Variants in XYLB observed in about 807,000 individuals in gnomAD.
XYLB encodes the protein xylulokinase.
A neutral mutation model predicts 78.7 loss-of-function variants in XYLB; 62 were observed. That is an observed-to-expected ratio of 0.79 (90% CI 0.64 to 0.97). The LOEUF is 0.97. Ranked by LOEUF, XYLB falls within the 50% of genes least tolerant of loss-of-function variation. XYLB has a pLI of 0.00. For synonymous variants in XYLB, 245 were observed against 247.4 expected, an observed-to-expected ratio of 0.99 and a Z score of 0.09; for missense variants, 687 against 676.8, an observed-to-expected ratio of 1.02 and a Z score of -0.17.
At chr3:38,388,644 C>T (rs1179959882) in intron 15 of XYLB, among the ~76,000 whole-genome samples, 2 of 152,058 alleles carry the variant, frequency 1.3e-5, no homozygotes, top group African/African-American at 4.8e-5. Flanking sequence ...TGTATAGTAA[C>T]TTTTATCACT....
At chr3:38,438,171 G>A in the XYLB span, among the ~76,000 whole-genome samples, 1 of 152,208 alleles carries the variant, frequency 6.6e-6, no homozygotes, top group Non-Finnish European at 1.5e-5. Context: ...CAAGGCTACA[G>A]TGAGTTGATT....
At chr3:38,375,604 C>T (rs1706810779) in intron 12 of XYLB, among the ~76,000 whole-genome samples, 1 of 152,180 alleles carries the variant, frequency 6.6e-6, no homozygotes, top group Non-Finnish European at 1.5e-5. Context: ...CACATTGTTA[C>T]TGTGACCCGT....
rs58457623 is a variant in XYLB, at chr3:38,351,171, CAAAAAAAAAAAAAAAA to C, written c.140+2552_140+2567del. Among the ~76,000 whole-genome samples, 3 of 23,074 alleles carry C rather than the reference CAAAAAAAAAAAAAAAA, an allele frequency of 1.3e-4. No homozygotes were observed. In the Admixed American group the frequency reaches 1.9e-3, roughly 15 times the overall value. 15.1% of individuals were successfully genotyped at this position (23,074 alleles called of 152,430 possible). A position where few individuals can be genotyped will look rare whatever the true frequency, so the allele number is the denominator to read the frequency against. Reference sequence around the variant, plus strand: ...TGGACAACAGAGGGAGAGCCTGTCTCAAAAAAAAAAAAAAAAAAAAAAAAAAAAGGAAGTCTGGAAG... The same window carrying C: ...TGGACAACAGAGGGAGAGCCTGTCTCAAAAAAAAAAAAGGAAGTCTGGAAG... On this transcript the variant is annotated intron_variant, in intron 2 of 18. Coordinates refer to ENST00000207870, the MANE Select transcript of XYLB (RefSeq NM_005108.4).
chr3:38,411,384 G>T (rs1418758847), intron 18 of XYLB, among the ~76,000 whole-genome samples: 1 of 152,058 alleles, frequency 6.6e-6, no homozygotes, highest in East Asian at 1.9e-4. Context: ...CTGTTGTGGG[G>T]TGGGGGGAGA....
chr3:38,416,157 A>G (rs1213888792), downstream of XYLB, among the ~76,000 whole-genome samples: 1 of 152,176 alleles, frequency 6.6e-6, no homozygotes, highest in Non-Finnish European at 1.5e-5. Context: ...GTATCAAACT[A>G]TATATGCTTT....
rs1708667768 is a variant in XYLB at position 38,413,181 on chromosome 3, AAGATAGAT to A, written c.*171_*178del. 7 of 550,750 alleles carry A rather than the reference AAGATAGAT, an allele frequency of 1.3e-5. No individual in the cohort carries two copies. The South Asian group carries it at 2.2e-4, about 18-fold the overall frequency. The allele number at this position is 550,750 out of a possible 1,614,324, so 34.1% of individuals were successfully genotyped here. A position where few individuals can be genotyped will look rare whatever the true frequency, so the allele number is the denominator to read the frequency against. On this transcript the variant is annotated 3_prime_UTR_variant, in exon 19 of 19. Coordinates refer to ENST00000207870, the MANE Select transcript of XYLB (RefSeq NM_005108.4). ...AAGCCGCCCTCAGCACATCTGCATG[AAGATAGAT>A]AGGCACTCCTGTCCCTGTGCCCGTG...
rs935310999 is a variant in XYLB at position 38,413,216 on chromosome 3, G to A, written c.*203G>A. The stretch of plus-strand genomic sequence containing the variant: ...GGCACTCCTGTCCCTGTGCCCGTGT[G>A]CCCCAGGGCAGGAAAGCATCTCTCT... On this transcript the variant is annotated 3_prime_UTR_variant, in exon 19 of 19. Transcript: ENST00000207870. 8.5e-6 allele frequency: 4 copies of A among 468,876 alleles called. No individual in the cohort carries two copies. The highest frequency in any genetic ancestry group is 4.4e-5 in the Admixed American group (1 of 22,916). 29.0% of individuals were successfully genotyped at this position (468,876 alleles called of 1,614,324 possible).
intron 15 of XYLB, among the ~76,000 whole-genome samples, chr3:38,380,412 C>T (rs1020977033): frequency 2.0e-5 from 3 of 152,118 alleles, no homozygotes; most frequent in Non-Finnish European, 2.9e-5. Context: ...TTGGACTGGC[C>T]GCCTATAGAG....
intron 18 of XYLB, among the ~76,000 whole-genome samples, chr3:38,411,457 C>G (rs952808939): frequency 1.3e-5 from 2 of 151,844 alleles, no homozygotes; most frequent in African/African-American, 2.4e-5. Flanking sequence ...GTGCAGCACA[C>G]CAGCATGGCA....
At chr3:38,412,262 A>T (rs543835280) in intron 18 of XYLB, among the ~76,000 whole-genome samples, 1 of 152,228 alleles carries the variant, frequency 6.6e-6, no homozygotes, top group South Asian at 2.1e-4. Flanking sequence ...AAGTGCTGGG[A>T]TTGCAGGCAT....
chr3:38,440,830 CTCTG>C, the XYLB span, among the ~76,000 whole-genome samples: 2 of 151,972 alleles, frequency 1.3e-5, no homozygotes, highest in South Asian at 4.1e-4. Context: ...CTCTTTCCTT[CTCTG>C]TCTCTTTCTC....
chr3:38,373,315 C>T lies in XYLB; in HGVS notation c.847+579C>T, dbSNP rs574952456. Reference sequence around the variant, plus strand: ...CTGAATAACAACCTAACTACTACCCCTCAACCTCACCCCCACCCCAGGAAA... The same window carrying T: ...CTGAATAACAACCTAACTACTACCCTTCAACCTCACCCCCACCCCAGGAAA... On this transcript the variant is annotated intron_variant, in intron 10 of 18. Coordinates refer to ENST00000207870, the MANE Select transcript of XYLB (RefSeq NM_005108.4). Among the ~76,000 whole-genome samples the T allele has an allele frequency of 2.0e-5, 3 of 152,200 alleles. No individual in the cohort carries two copies. In the East Asian group the frequency reaches 5.8e-4, roughly 29 times the overall value.
chr3:38,363,483 C>T (rs746921188), intron 4 of XYLB, among the ~76,000 whole-genome samples: 5 of 151,996 alleles, frequency 3.3e-5, no homozygotes, highest in South Asian at 2.1e-4. Flanking sequence ...ACTCTGAGGC[C>T]TTTCCAGATG....
In XYLB at chr3:38,355,986, C is replaced by T. The variant is rs1378981956; in HGVS notation, c.141-4353C>T. 7.1e-6 allele frequency: 4 copies of T among 559,776 alleles called. No homozygotes were observed. The Admixed American group carries it at 9.0e-5, about 13-fold the overall frequency. The allele number at this position is 559,776 out of a possible 1,614,324, so 34.7% of individuals were successfully genotyped here. The stretch of plus-strand genomic sequence containing the variant: ...AATACTGGGGCCAGGTGTGGTCGCT[C>T]ACGCCTGTAATCCCAGCACTTTGGG... On this transcript the variant is annotated intron_variant, in intron 2 of 18. Transcript: ENST00000207870.
At chr3:38,412,441 C>G (rs1708633930) in intron 18 of XYLB, among the ~76,000 whole-genome samples, 1 of 152,104 alleles carries the variant, frequency 6.6e-6, no homozygotes, top group South Asian at 2.1e-4. Flanking sequence ...GGCTGTCTTC[C>G]CTTGGCTCAT....
intron 15 of XYLB, among the ~76,000 whole-genome samples, chr3:38,390,942 A>G (rs1707624666): frequency 6.6e-6 from 1 of 152,168 alleles, no homozygotes; most frequent in Non-Finnish European, 1.5e-5. Flanking sequence ...AACATCAGCC[A>G]GGCACAGTCA....
chr3:38,442,720 ATT>A, the XYLB span, among the ~76,000 whole-genome samples: 253 of 99,170 alleles, frequency 2.6e-3, no homozygotes, highest in South Asian at 4.9e-3. Flanking sequence ...GGACTGCTGC[ATT>A]TTTTTTTTTT....
the XYLB span, among the ~76,000 whole-genome samples, chr3:38,433,585 C>T: frequency 1.3e-5 from 2 of 152,174 alleles, no homozygotes; most frequent in Admixed American, 1.3e-4. Context: ...TTCAAAGTTC[C>T]ACAGATCTCT....
chr3:38,374,529 C>A (rs776596225), intron 11 of XYLB, 27 bp downstream of exon 11: 1 of 1,613,526 alleles, frequency 6.2e-7, no homozygotes, highest in Non-Finnish European at 8.5e-7. Context: ...CACCCATAGG[C>A]TCTTTCTGTT....
Sources: allele counts gnomAD v4.1 joint callset (sites outside exome capture counted in the v4.1 genomes callset), GRCh38; gene constraint gnomAD v4.1.1; transcripts MANE v1.5; gene names NCBI Gene and HGNC (gene_info 2026-07-23, HGNC 2026-07-21).